The following RAPH1 variants were observed in gnomAD, a reference collection of about 807,000 sequenced individuals.
RAPH1 encodes the protein ras-associated and pleckstrin homology domains-containing protein 1.
In RAPH1, 18 loss-of-function variants were observed where a neutral mutation model predicts 88.1. That is an observed-to-expected ratio of 0.20 (90% CI 0.14 to 0.30). The LOEUF (loss-of-function observed/expected upper bound fraction) is 0.30, where lower values mean the gene tolerates loss of function less well. RAPH1 is among the 10% of genes least tolerant of loss of function. The pLI, the probability that RAPH1 is intolerant of heterozygous loss-of-function variation, is 1.00. For missense variants in RAPH1, 1,448 were observed against 1,543.2 expected (o/e 0.94, Z 1.03); for synonymous variants, 587 against 559.0 (o/e 1.05, Z -0.71).
chr2:203,445,147 C>A lies in RAPH1; in HGVS notation c.1634-137G>T, dbSNP rs370268435. 1.4e-5 allele frequency: 9 copies of A among 624,756 alleles called. No individual in the cohort carries two copies. In the African/African-American group the frequency reaches 1.7e-4, roughly 12 times the overall value. 38.7% of individuals were successfully genotyped at this position (624,756 alleles called of 1,614,324 possible). A position where few individuals can be genotyped will look rare whatever the true frequency, so the allele number is the denominator to read the frequency against. ...CACCAAGTTATTTTACTCATTTCAT[C>A]ATAAACACAGCCAGTATTTTCTACT... is the stretch of plus-strand genomic sequence containing the variant. On this transcript the variant is annotated intron_variant, in intron 12 of 13. Coordinates refer to ENST00000319170, the MANE Select transcript of RAPH1 (RefSeq NM_213589.3).
At chr2:203,478,793 T>C (rs1456963054) in intron 4 of RAPH1, among the ~76,000 whole-genome samples, 1 of 152,176 alleles carries the variant, frequency 6.6e-6, no homozygotes, top group African/African-American at 2.4e-5. Context: ...CCAGCCAACA[T>C]TGTGTATTAT....
chr2:203,506,881 G>GAA (rs1689104013), intron 1 of RAPH1, among the ~76,000 whole-genome samples: 1 of 30,348 alleles, frequency 3.3e-5, no homozygotes, highest in African/African-American at 1.7e-4. Context: ...TATATATATA[G>GAA]ATATATATAT....
chr2:203,509,118 T>A, intron 1 of RAPH1, among the ~76,000 whole-genome samples: 1 of 146,370 alleles, frequency 6.8e-6, no homozygotes, highest in East Asian at 2.0e-4. Context: ...TCACTCAGGC[T>A]GGAGTGTGGT....
At chr2:203,455,392 A>C in intron 9 of RAPH1, 45 bp downstream of exon 9, 1 of 1,586,050 alleles carries the variant, frequency 6.3e-7, no homozygotes. Flanking sequence ...AATTAAAAGC[A>C]ATTAGCATAA....
intron 1 of RAPH1, among the ~76,000 whole-genome samples, chr2:203,505,059 C>T (rs879381369): frequency 1.3e-5 from 2 of 152,178 alleles, no homozygotes; most frequent in African/African-American, 4.8e-5. Flanking sequence ...CCTACATTTT[C>T]CTGTCTTCTT....
At chr2:203,523,317 C>T (rs963289620) in intron 1 of RAPH1, among the ~76,000 whole-genome samples, 10 of 147,488 alleles carry the variant, frequency 6.8e-5, no homozygotes, top group South Asian at 2.3e-4. Context: ...GGCGTGAATA[C>T]GGGGGGCGGA....
chr2:203,512,454 C>G (rs1689390186), intron 1 of RAPH1, among the ~76,000 whole-genome samples: 1 of 151,744 alleles, frequency 6.6e-6, no homozygotes, highest in African/African-American at 2.4e-5. Flanking sequence ...AGAAATCCAA[C>G]CAGAGATGGA....
intron 4 of RAPH1, among the ~76,000 whole-genome samples, chr2:203,471,408 T>C (rs1169821192): frequency 6.6e-6 from 1 of 152,152 alleles, no homozygotes; most frequent in African/African-American, 2.4e-5. Flanking sequence ...GGTCAGGAGT[T>C]TAAGACCAGC....
At chr2:203,493,903 GGTGGTT>G (rs1380316753) in intron 2 of RAPH1, among the ~76,000 whole-genome samples, 1 of 148,814 alleles carries the variant, frequency 6.7e-6, no homozygotes, top group Non-Finnish European at 1.5e-5. Flanking sequence ...CCCGGGAGGC[GGTGGTT>G]GCACTGAGCT....
chr2:203,446,432 A>T (rs1034811796), intron 12 of RAPH1: 3 of 152,182 alleles, frequency 2.0e-5, no homozygotes, highest in Non-Finnish European at 2.9e-5. Context: ...CTGTGAAGTT[A>T]CCCCTAATCC....
chr2:203,498,446 C>T (rs988448228), intron 1 of RAPH1, among the ~76,000 whole-genome samples: 3 of 152,076 alleles, frequency 2.0e-5, no homozygotes, highest in East Asian at 1.9e-4. Context: ...TAAGCCTCCA[C>T]GAACCATTGT....
chr2:203,461,978 AG>A, intron 4 of RAPH1, 53 bp from the exon 5 acceptor site: 1 of 1,475,582 alleles, frequency 6.8e-7, no homozygotes, highest in Admixed American at 1.9e-5. Context: ...GAAATATTTG[AG>A]AAATCTTTTT....
intron 4 of RAPH1, among the ~76,000 whole-genome samples, chr2:203,463,638 A>G (rs1327581796): frequency 6.6e-6 from 1 of 152,188 alleles, no homozygotes; most frequent in Non-Finnish European, 1.5e-5. Context: ...TGTAAACTCA[A>G]TTAGGCAGAA....
chr2:203,527,620 G>A (rs933867364), intron 1 of RAPH1, among the ~76,000 whole-genome samples: 5 of 151,902 alleles, frequency 3.3e-5, no homozygotes, highest in African/African-American at 9.7e-5. Context: ...CCAACACAGA[G>A]TAACCCCGTC....
intron 4 of RAPH1, among the ~76,000 whole-genome samples, chr2:203,484,175 G>A (rs1687860141): frequency 6.6e-6 from 1 of 152,148 alleles, no homozygotes; most frequent in Non-Finnish European, 1.5e-5. Flanking sequence ...AGGAGAGAGG[G>A]ACTGGCCAAA....
intron 1 of RAPH1, among the ~76,000 whole-genome samples, chr2:203,520,259 G>A (rs1416886366): frequency 6.6e-6 from 1 of 151,240 alleles, no homozygotes; most frequent in Non-Finnish European, 1.5e-5. Context: ...TGGAGCCTGG[G>A]AAATCAAAGC....
intron 13 of RAPH1, chr2:203,442,218 A>G (rs2098504899): frequency 1.1e-6 from 1 of 874,544 alleles, no homozygotes; most frequent in East Asian, 3.1e-5. Context: ...AATGGCAGCT[A>G]GCATTTGCCA....
At chr2:203,455,632 C>G in intron 8 of RAPH1, 52 bp from the exon 9 acceptor site, 3 of 1,568,794 alleles carry the variant, frequency 1.9e-6, no homozygotes, top group Non-Finnish European at 2.6e-6. Context: ...ATTCTCAGAA[C>G]AAAGTTGTGT....
chr2:203,473,857 TTC>T (rs149268989), intron 4 of RAPH1, among the ~76,000 whole-genome samples: 3 of 152,290 alleles, frequency 2.0e-5, no homozygotes, highest in African/African-American at 7.2e-5. Flanking sequence ...TTTATTTTAT[TTC>T]TCTGTTTTCC....
Sources: gnomAD v4.1 joint callset for allele counts (sites outside exome capture counted in the v4.1 genomes callset) on GRCh38, gnomAD v4.1.1 for gene constraint, MANE v1.5 for transcripts, NCBI Gene and HGNC (gene_info 2026-07-23, HGNC 2026-07-21) for gene names.